KALRN: variants seen among roughly 807,000 people sequenced by gnomAD.
The protein encoded by KALRN is kalirin RhoGEF kinase.
KALRN carries 70 observed loss-of-function variants against 353.7 expected under a neutral mutation model. That is an observed-to-expected ratio of 0.20 (90% CI 0.16 to 0.24). The LOEUF (loss-of-function observed/expected upper bound fraction) is 0.24. Among genes scored for constraint, KALRN ranks in the 10% least tolerant of loss-of-function variants. KALRN has a pLI of 1.00. For missense variants in KALRN, 2,791 were observed against 3,756.7 expected (o/e 0.74, Z 6.72); for synonymous variants, 1,391 against 1,434.8 (o/e 0.97, Z 0.69).
intron 45 of KALRN, among the ~76,000 whole-genome samples, chr3:124,662,632 A>G (rs1375731726): frequency 6.6e-6 from 1 of 152,214 alleles, no homozygotes; most frequent in Non-Finnish European, 1.5e-5. Flanking sequence ...ATTACAGTAC[A>G]AAGTTCTGTT....
intron 34 of KALRN, among the ~76,000 whole-genome samples, chr3:124,593,527 T>G (rs2076003926): frequency 6.6e-6 from 1 of 152,174 alleles, no homozygotes; most frequent in South Asian, 2.1e-4. Flanking sequence ...AAAGGTAGAT[T>G]TCCTCTCAGT....
intron 33 of KALRN, among the ~76,000 whole-genome samples, chr3:124,554,309 A>G (rs1301084281): frequency 6.6e-6 from 1 of 152,184 alleles, no homozygotes; most frequent in African/African-American, 2.4e-5. Flanking sequence ...AGCCCCTGTG[A>G]ATTAAGTTGG....
chr3:124,144,713 C>T (rs558140872), intron 1 of KALRN, among the ~76,000 whole-genome samples: 46 of 152,078 alleles, frequency 3.0e-4, no homozygotes, highest in African/African-American at 1.1e-3. Flanking sequence ...TTCTCATCCT[C>T]CCCTTCCCTC....
At chr3:124,211,533 C>T (rs2076894614) in intron 1 of KALRN, among the ~76,000 whole-genome samples, 1 of 152,072 alleles carries the variant, frequency 6.6e-6, no homozygotes, top group African/African-American at 2.4e-5. Flanking sequence ...ATTCAGTGGC[C>T]CTATGGTGGG....
intron 1 of KALRN, among the ~76,000 whole-genome samples, chr3:124,059,927 T>A (rs1303336569): frequency 6.6e-6 from 1 of 152,220 alleles, no homozygotes. Context: ...TGGCCCATGG[T>A]ATCTTGGTGC....
intron 9 of KALRN, 27 bp from the exon 10 acceptor site, chr3:124,347,116 T>C (rs1247930116): frequency 1.2e-6 from 2 of 1,613,312 alleles, no homozygotes; most frequent in Non-Finnish European, 1.7e-6. Flanking sequence ...TAGAAAGTCA[T>C]TGTTGCTGTT....
chr3:124,101,586 A>C (rs990414302), intron 1 of KALRN, among the ~76,000 whole-genome samples: 9 of 152,198 alleles, frequency 5.9e-5, no homozygotes, highest in African/African-American at 2.2e-4. Context: ...GATTCTGCTC[A>C]GGTGCAAGAA....
intron 1 of KALRN, among the ~76,000 whole-genome samples, chr3:124,039,145 A>G (rs1311105546): frequency 6.6e-6 from 1 of 152,216 alleles, no homozygotes; most frequent in African/African-American, 2.4e-5. Context: ...TGTCGGCCTC[A>G]CAGCTCAACT....
chr3:124,091,329 C>T (rs944682275), intron 1 of KALRN, among the ~76,000 whole-genome samples: 7 of 152,168 alleles, frequency 4.6e-5, no homozygotes, highest in Non-Finnish European at 2.9e-5. Context: ...GTATTGCCTT[C>T]ACTTGCCAGA....
At chr3:124,502,150 G>T (rs1440369988) in intron 33 of KALRN, among the ~76,000 whole-genome samples, 2 of 152,198 alleles carry the variant, frequency 1.3e-5, no homozygotes, top group Non-Finnish European at 2.9e-5. Flanking sequence ...ACAGAATAGG[G>T]ATGGAGTTAG....
rs2120790 is a variant in KALRN, at chr3:124,259,627, C to G, written c.264-4871C>G. On this transcript the variant is annotated intron_variant, in intron 3 of 59. Transcript: ENST00000682506. ...AGGAAGCTGGTTCTAGTTTTCATAC[C>G]CTTAGCTGCTGCCTCCCCTTCCTTG... 0.037 allele frequency among the ~76,000 whole-genome samples: 5,610 copies of G among 152,178 alleles called. 695 individuals carry two copies. The East Asian group carries it at 0.45, about 12-fold the overall frequency.
At chr3:124,360,941 G>A (rs1324011045) in intron 10 of KALRN, among the ~76,000 whole-genome samples, 3 of 152,196 alleles carry the variant, frequency 2.0e-5, no homozygotes, top group Admixed American at 6.5e-5. Context: ...ATTTGAAAAA[G>A]TATTTGTAAG....
At position 124,460,800 on chromosome 3, in the gene KALRN, A is replaced by G. The variant is rs148414373; in HGVS notation, c.3855-1090A>G. On this transcript the variant is annotated intron_variant, in intron 23 of 59. Transcript: ENST00000682506. ...TTCAAAGAACAGAAAAATATAGAATATACCACAACGAGGCCATGTATCGTA... is the reference window on the plus strand; with the variant it reads ...TTCAAAGAACAGAAAAATATAGAATGTACCACAACGAGGCCATGTATCGTA... Among the ~76,000 whole-genome samples, 31 of 152,344 alleles carry G rather than the reference A, an allele frequency of 2.0e-4. 1 individual carries two copies. In the East Asian group the frequency reaches 5.8e-3, roughly 28 times the overall value.
intron 37 of KALRN, among the ~76,000 whole-genome samples, chr3:124,647,914 G>A (rs1654441983): frequency 6.6e-6 from 1 of 152,130 alleles, no homozygotes. Context: ...TCACATATTT[G>A]AATCTATTTG....
At chr3:124,259,619 T>C (rs147470717) in intron 3 of KALRN, among the ~76,000 whole-genome samples, 3 of 152,312 alleles carry the variant, frequency 2.0e-5, no homozygotes, top group Non-Finnish European at 4.4e-5. Context: ...TGGTTCTAGT[T>C]TTCATACCCT....
At chr3:124,187,835 A>G (rs1038639829) in intron 1 of KALRN, among the ~76,000 whole-genome samples, 1 of 152,166 alleles carries the variant, frequency 6.6e-6, no homozygotes, top group Non-Finnish European at 1.5e-5. Flanking sequence ...AAGGAGGAAG[A>G]CTAAATGGCT....
In KALRN at chr3:124,036,045, T is replaced by G. The variant is rs75145960; in HGVS notation, c.73+2232T>G. 2.6e-4 allele frequency among the ~76,000 whole-genome samples: 40 copies of G among 152,350 alleles called. No homozygotes were observed. In the East Asian group the frequency reaches 7.3e-3, roughly 28 times the overall value. On this transcript the variant is annotated intron_variant, in intron 1 of 59. Coordinates refer to ENST00000682506, the MANE Select transcript of KALRN (RefSeq NM_001388419.1). ...AGGCTCTTGCTGGGGATTCTTCTTC[T>G]TCTTTTTATTTTTATTTTTTGTTGT... is the stretch of plus-strand genomic sequence containing the variant.
At chr3:124,350,116 A>G (rs138614387) in intron 10 of KALRN, among the ~76,000 whole-genome samples, 3 of 152,256 alleles carry the variant, frequency 2.0e-5, no homozygotes, top group African/African-American at 7.2e-5. Context: ...GGCAATGCCA[A>G]CCTTGGTTAT....
intron 13 of KALRN, among the ~76,000 whole-genome samples, chr3:124,400,825 A>G (rs533876058): frequency 2.4e-4 from 36 of 152,324 alleles, no homozygotes; most frequent in Admixed American, 5.9e-4. Flanking sequence ...AAATTATGTT[A>G]GCAGGTGTGG....
Sources: gnomAD v4.1 joint callset for allele counts (sites outside exome capture counted in the v4.1 genomes callset) on GRCh38, gnomAD v4.1.1 for gene constraint, MANE v1.5 for transcripts, NCBI Gene and HGNC (gene_info 2026-07-23, HGNC 2026-07-21) for gene names.